The following NDUFA8 variants were observed in gnomAD, a reference collection of about 807,000 sequenced individuals.
NDUFA8 encodes the protein NADH dehydrogenase [ubiquinone] 1 alpha subcomplex subunit 8.
In NDUFA8, 16 loss-of-function variants were observed where a neutral mutation model predicts 20.9. The observed-to-expected ratio is 0.77, with a 90% CI of 0.52 to 1.16. The LOEUF is 1.16. Ranked by LOEUF, NDUFA8 falls within the 50% of genes most tolerant of loss-of-function variation. The pLI, the probability that NDUFA8 is intolerant of heterozygous loss-of-function variation, is 0.00. For missense variants in NDUFA8, 202 were observed against 216.4 expected, an observed-to-expected ratio of 0.93 and a Z score of 0.42; for synonymous variants, 70 against 76.1, an observed-to-expected ratio of 0.92 and a Z score of 0.41.
At chr9:122,159,041 A>G (rs1345155050) in intron 1 of NDUFA8, among the ~76,000 whole-genome samples, 2 of 152,130 alleles carry the variant, frequency 1.3e-5, no homozygotes, top group African/African-American at 2.4e-5. Context: ...AGCACGAAGT[A>G]TATCTCTTCC....
intron 2 of NDUFA8, among the ~76,000 whole-genome samples, chr9:122,149,453 A>G (rs1021431681): frequency 6.6e-5 from 10 of 152,222 alleles, no homozygotes; most frequent in African/African-American, 2.4e-4. Context: ...ACGGGCTGCA[A>G]GCCACTACTC....
chr9:122,148,339 G>C, intron 2 of NDUFA8, 62 bp from the exon 3 acceptor site: 1 of 1,568,924 alleles, frequency 6.4e-7, no homozygotes, highest in Non-Finnish European at 8.8e-7. Context: ...AGAAAAGTGA[G>C]AAAAAAATAG....
At chr9:122,156,900 C>T (rs1666841686) in intron 1 of NDUFA8, among the ~76,000 whole-genome samples, 1 of 152,142 alleles carries the variant, frequency 6.6e-6, no homozygotes, top group African/African-American at 2.4e-5. Flanking sequence ...GACTAGTCTC[C>T]CTGCTTTTCT....
intron 1 of NDUFA8, among the ~76,000 whole-genome samples, chr9:122,153,684 T>C (rs1450255612): frequency 1.3e-5 from 2 of 152,236 alleles, no homozygotes; most frequent in Non-Finnish European, 1.5e-5. Context: ...TTTTAATTAC[T>C]GTCACTGAAG....
the NDUFA8 span, among the ~76,000 whole-genome samples, chr9:122,138,619 A>C: frequency 6.6e-6 from 1 of 152,196 alleles, no homozygotes. Flanking sequence ...GCTGTGCTGC[A>C]TTCATTCAAC....
At chr9:122,150,160 C>A (rs1220159803) in intron 2 of NDUFA8, among the ~76,000 whole-genome samples, 1 of 151,502 alleles carries the variant, frequency 6.6e-6, no homozygotes, top group Admixed American at 6.6e-5. Flanking sequence ...CGGTGGCTCA[C>A]GCTTGTAATC....
At chr9:122,141,016 T>A (rs1247276288), downstream of NDUFA8, among the ~76,000 whole-genome samples, 1 of 152,180 alleles carries the variant, frequency 6.6e-6, no homozygotes, top group East Asian at 1.9e-4. Flanking sequence ...AGGGGATACT[T>A]CCTGGGAAAG....
At chr9:122,134,025 G>A in the NDUFA8 span, among the ~76,000 whole-genome samples, 1 of 152,166 alleles carries the variant, frequency 6.6e-6, no homozygotes, top group African/African-American at 2.4e-5. Flanking sequence ...ACTTCTCTGG[G>A]CCTGAGCTCT....
At chr9:122,149,424 C>T (rs372555164) in intron 2 of NDUFA8, among the ~76,000 whole-genome samples, 1 of 152,168 alleles carries the variant, frequency 6.6e-6, no homozygotes, top group East Asian at 1.9e-4. Flanking sequence ...TATATTCCTC[C>T]AAAATGCAGC....
intron 1 of NDUFA8, among the ~76,000 whole-genome samples, chr9:122,155,265 G>A (rs1413670492): frequency 6.6e-6 from 1 of 152,190 alleles, no homozygotes; most frequent in Non-Finnish European, 1.5e-5. Flanking sequence ...TTTTGGTAGA[G>A]ACGGGGTTCC....
chr9:122,139,212 A>T (rs980516016), downstream of NDUFA8, among the ~76,000 whole-genome samples: 1 of 152,162 alleles, frequency 6.6e-6, no homozygotes, highest in African/African-American at 2.4e-5. Flanking sequence ...TGCTCCTGCC[A>T]AAAGGTTTGT....
In NDUFA8 at chr9:122,149,445, G is replaced by A. The variant is rs200012950; in HGVS notation, c.216-1168C>T. ...CCTCCAAAATGCAGCAGCAGCAGACGGGCTGCAAGCCACTACTCTAGTAGC... is the reference window on the plus strand; with the variant it reads ...CCTCCAAAATGCAGCAGCAGCAGACAGGCTGCAAGCCACTACTCTAGTAGC... On this transcript the variant is annotated intron_variant, in intron 2 of 3. Transcript: ENST00000373768. Among the ~76,000 whole-genome samples, 13 of 152,312 alleles carry A rather than the reference G, an allele frequency of 8.5e-5. No homozygotes were observed. The East Asian group carries it at 2.5e-3, about 29-fold the overall frequency.
downstream of NDUFA8, among the ~76,000 whole-genome samples, chr9:122,139,134 A>G (rs868703162): frequency 1.3e-5 from 2 of 152,276 alleles, no homozygotes; most frequent in Middle Eastern, 6.8e-3. Flanking sequence ...ACACAAAACC[A>G]CATTCCAGGC....
At chr9:122,135,526 A>G in the NDUFA8 span, among the ~76,000 whole-genome samples, 1 of 151,858 alleles carries the variant, frequency 6.6e-6, no homozygotes, top group Admixed American at 6.6e-5. Context: ...CAATTCACCA[A>G]CTCGAAACTG....
the NDUFA8 span, among the ~76,000 whole-genome samples, chr9:122,134,383 G>A: frequency 7.9e-5 from 12 of 152,094 alleles, no homozygotes; most frequent in Admixed American, 3.9e-4. Context: ...TAACCTTTCC[G>A]AGCATCAGCT....
At chr9:122,158,164 A>C (rs1354600150) in intron 1 of NDUFA8, among the ~76,000 whole-genome samples, 1 of 152,068 alleles carries the variant, frequency 6.6e-6, no homozygotes, top group Non-Finnish European at 1.5e-5. Context: ...CAACAAAACA[A>C]ACAAACAAAA....
Position 122,152,326 on chromosome 9 carries a change from A to G in NDUFA8, c.134T>C (p.Leu45Pro), listed in dbSNP as rs1002067862. Residue 45 changes from leucine (L) to proline (P), a missense_variant, in exon 2 of 4, where the codon CTC becomes CCC. By Grantham distance (98) the Leu-to-Pro change is moderately conservative. Coordinates refer to ENST00000373768, the MANE Select transcript of NDUFA8 (RefSeq NM_014222.3). ...CGGATCTTTCTCTTCCCAGCGGCAG[A>G]GCATAAACTCCTTGTTGGGCTTATC... Reference protein sequence around the residue: ...QCDKPNKEFMLCRWEEKDPRR... With the variant: ...QCDKPNKEFMPCRWEEKDPRR... The G allele has an allele frequency of 2.5e-6, 4 of 1,614,000 alleles. No homozygotes were observed. The highest frequency in any genetic ancestry group is 1.6e-4 in the Middle Eastern group (1 of 6,084).
chr9:122,155,047 TTG>T (rs1221442550), intron 1 of NDUFA8, among the ~76,000 whole-genome samples: 1 of 152,206 alleles, frequency 6.6e-6, no homozygotes, highest in Non-Finnish European at 1.5e-5. Context: ...TTAAAAATTG[TTG>T]TGTGAGAACA....
At chr9:122,144,660 CA>C (rs1828874978) in intron 3 of NDUFA8, among the ~76,000 whole-genome samples, 1 of 152,172 alleles carries the variant, frequency 6.6e-6, no homozygotes, top group South Asian at 2.1e-4. Flanking sequence ...CCAGGAATAA[CA>C]ACCAAGATTT....
Sources: gnomAD v4.1 joint callset for allele counts (sites outside exome capture counted in the v4.1 genomes callset) on GRCh38, gnomAD v4.1.1 for gene constraint, MANE v1.5 for transcripts, NCBI Gene and HGNC (gene_info 2026-07-23, HGNC 2026-07-21) for gene names.